Variants in ACSM6 observed in about 807,000 individuals in gnomAD.
ACSM6 encodes the protein acyl-coenzyme A synthetase ACSM6, mitochondrial.
Under a neutral mutation model 51.1 loss-of-function variants are expected in ACSM6, and 35 were observed. That is an observed-to-expected ratio of 0.69 (90% CI 0.52 to 0.91). The LOEUF (loss-of-function observed/expected upper bound fraction) is 0.91. ACSM6 is among the 40% of genes least tolerant of loss of function. ACSM6 has a pLI of 0.00. For synonymous variants in ACSM6, 172 were observed against 207.3 expected (o/e 0.83, Z 1.46); for missense variants, 509 against 584.1 (o/e 0.87, Z 1.32).
At chr10:95,214,961 G>C (rs538252264) in exon 8 of ACSM6, 2 of 1,551,540 alleles carry the variant, frequency 1.3e-6, no homozygotes, top group South Asian at 2.4e-5. Context: ...TGAAGGCTAT[G>C]GGCAGACGGA....
exon 9 of ACSM6, chr10:95,219,960 T>A: frequency 4.3e-6 from 7 of 1,610,928 alleles, no homozygotes; most frequent in Non-Finnish European, 5.9e-6. Context: ...ATTGCCACCT[T>A]ATATTGTCCA....
intron 3 of ACSM6, among the ~76,000 whole-genome samples, chr10:95,204,371 G>C (rs893039204): frequency 1.1e-4 from 17 of 152,076 alleles, no homozygotes; most frequent in Admixed American, 1.1e-3. Context: ...GGCCAACATG[G>C]TGAAACCCCG....
intron 4 of ACSM6, 146 bp downstream of exon 4, chr10:95,207,561 G>T: frequency 1.2e-6 from 1 of 860,926 alleles, no homozygotes; most frequent in South Asian, 1.5e-5. Flanking sequence ...ATGAGAAGGT[G>T]GTGTGAGTGG....
At chr10:95,200,551 A>G (rs1253457686) in intron 2 of ACSM6, among the ~76,000 whole-genome samples, 1 of 130,076 alleles carries the variant, frequency 7.7e-6, no homozygotes, top group East Asian at 1.9e-4. Flanking sequence ...GATGAAAAGA[A>G]GAAGAAAGAA....
intron 3 of ACSM6, among the ~76,000 whole-genome samples, chr10:95,204,891 G>T (rs1731991707): frequency 6.6e-6 from 1 of 152,184 alleles, no homozygotes; most frequent in Non-Finnish European, 1.5e-5. Context: ...TCACTATAAT[G>T]TATAAGAAAC....
intron 8 of ACSM6, among the ~76,000 whole-genome samples, chr10:95,217,824 G>T (rs1009845665): frequency 6.6e-6 from 1 of 152,284 alleles, no homozygotes; most frequent in South Asian, 2.1e-4. Flanking sequence ...GAAAGCTAAA[G>T]AAAATTCAGA....
chr10:95,207,254 T>G, exon 4 of ACSM6: 1 of 1,614,130 alleles, frequency 6.2e-7, no homozygotes, highest in Middle Eastern at 1.6e-4. Flanking sequence ...CCAAGAAAAT[T>G]CGCTATCAAT....
At chr10:95,207,378 A>T in exon 4 of ACSM6, 1 of 1,614,076 alleles carries the variant, frequency 6.2e-7, no homozygotes, top group Non-Finnish European at 8.5e-7. Flanking sequence ...GTCAGATAAG[A>T]GCTATGATGG....
chr10:95,219,567 A>G (rs2034975136), intron 8 of ACSM6, among the ~76,000 whole-genome samples: 1 of 152,190 alleles, frequency 6.6e-6, no homozygotes. Context: ...CTTTTAATCT[A>G]TGAATTTCCT....
At chr10:95,205,172 G>A (rs2034829424) in intron 3 of ACSM6, among the ~76,000 whole-genome samples, 1 of 152,128 alleles carries the variant, frequency 6.6e-6, no homozygotes, top group Non-Finnish European at 1.5e-5. Flanking sequence ...AAAATGAAAA[G>A]CTGTTAGATT....
chr10:95,228,049 G>A (rs1269243945), intron 10 of ACSM6, among the ~76,000 whole-genome samples: 5 of 151,724 alleles, frequency 3.3e-5, no homozygotes, highest in East Asian at 3.9e-4. Context: ...TCCAACTTGC[G>A]TGACAGAGTG....
chr10:95,213,598 T>C (rs1008241786), intron 7 of ACSM6, among the ~76,000 whole-genome samples: 1 of 152,230 alleles, frequency 6.6e-6, no homozygotes, highest in South Asian at 2.1e-4. Context: ...TATGAATGAA[T>C]TGTACATTAA....
At chr10:95,212,320 T>G (rs891654404) in intron 6 of ACSM6, among the ~76,000 whole-genome samples, 1 of 152,222 alleles carries the variant, frequency 6.6e-6, no homozygotes, top group African/African-American at 2.4e-5. Context: ...TATCATTTAC[T>G]GATTACTTAC....
At chr10:95,211,516 T>C (rs1305940311) in intron 5 of ACSM6, among the ~76,000 whole-genome samples, 1 of 152,224 alleles carries the variant, frequency 6.6e-6, no homozygotes, top group East Asian at 1.9e-4. Context: ...TTGACTCTCA[T>C]AAGCAACAAC....
chr10:95,210,804 C>T lies in ACSM6; in HGVS notation c.755+11C>T, dbSNP rs774346044. 1.9e-6 allele frequency: 3 copies of T among 1,612,490 alleles called. No individual in the cohort carries two copies. Among genetic ancestry groups the T allele is most frequent in the Non-Finnish European group, 2.5e-6 (3 of 1,179,186 alleles). On this transcript the variant is annotated intron_variant, in intron 5 of 10. Transcript: ENST00000341686. ...CAGCCAGGCTTCCAGGTACGGTTCT[C>T]GCACAGCCTGTACAGGCCTGAAAGT... is the stretch of plus-strand genomic sequence containing the variant.
rs1361991997 is a variant in ACSM6, at chr10:95,202,196, G to C, written c.403+1G>C. ...ATCTGCCTGGCCTGTGTGCGCTTGG[G>C]TGAGGCATGGGAGACGGACCCCAGG... On this transcript the variant is annotated splice_donor_variant, in intron 3 of 10. Coordinates refer to ENST00000341686, the Ensembl canonical transcript of ACSM6. LOFTEE classifies it high-confidence loss of function. 5 of 1,551,566 alleles carry C rather than the reference G, an allele frequency of 3.2e-6. No homozygotes were observed. The highest frequency in any genetic ancestry group is 2.7e-5 in the African/African-American group (2 of 73,022).
chr10:95,225,293 G>A lies in ACSM6; in HGVS notation c.1204G>A (p.Val402Met), dbSNP rs1483451622. 2.6e-6 allele frequency: 4 copies of A among 1,549,242 alleles called. No homozygotes were observed. The African/African-American group carries it at 4.1e-5, about 16-fold the overall frequency. The change falls in exon 10 of 11, where the codon GTG (valine) becomes ATG (methionine). Residue 402 changes from valine to methionine, a missense_variant. Transcript: ENST00000341686. ...TTTAGTGATTATCTAATTTCAGATT[G>A]TGGATGAAAACTCAAATCTCCTGCC... is the stretch of plus-strand genomic sequence containing the variant.
chr10:95,222,586 G>A (rs983425723), intron 9 of ACSM6, among the ~76,000 whole-genome samples: 10 of 150,408 alleles, frequency 6.6e-5, no homozygotes, highest in Non-Finnish European at 1.3e-4. Context: ...TCACACCACT[G>A]CACTCCAGCC....
chr10:95,194,817 C>G (rs2034709659), intron 2 of ACSM6, 140 bp downstream of exon 2: 1 of 756,020 alleles, frequency 1.3e-6, no homozygotes, highest in Admixed American at 2.9e-5. Context: ...AGCAAAATGA[C>G]TAAGAACATA....
Sources: gnomAD v4.1 joint callset for allele counts (sites outside exome capture counted in the v4.1 genomes callset) on GRCh38, gnomAD v4.1.1 for gene constraint, MANE v1.5 for transcripts, NCBI Gene and HGNC (gene_info 2026-07-23, HGNC 2026-07-21) for gene names.